MEGF9: variants seen among roughly 807,000 people sequenced by gnomAD.
The protein encoded by MEGF9 is multiple EGF like domains 9, also known as multiple epidermal growth factor-like domains protein 9.
MEGF9 carries 6 observed loss-of-function variants against 46.8 expected under a neutral mutation model. That is an observed-to-expected ratio of 0.13 (90% CI 0.07 to 0.25). The LOEUF (loss-of-function observed/expected upper bound fraction) is 0.25. MEGF9 is among the 10% of genes least tolerant of loss of function. The probability of loss-of-function intolerance (pLI) is 1.00; values close to 1 mark genes in which losing one functional copy is unlikely to be tolerated. For synonymous variants in MEGF9, 302 were observed against 330.7 expected (o/e 0.91, Z 0.94); for missense variants, 683 against 792.4 (o/e 0.86, Z 1.66).
chr9:120,695,218 T>C (rs1026164460), intron 1 of MEGF9, among the ~76,000 whole-genome samples: 1 of 152,078 alleles, frequency 6.6e-6, no homozygotes, highest in Non-Finnish European at 1.5e-5. Context: ...AGTGCCAACA[T>C]CAATAAGACA....
chr9:120,665,157 C>T (rs1487564356), intron 1 of MEGF9, among the ~76,000 whole-genome samples: 1 of 152,108 alleles, frequency 6.6e-6, no homozygotes, highest in Non-Finnish European at 1.5e-5. Context: ...CCAATCTCCT[C>T]CCATCCTTCC....
rs145767555 is a variant in MEGF9, at chr9:120,690,204, G to A, written c.601+23554C>T. On this transcript the variant is annotated intron_variant, in intron 1 of 5. Transcript: ENST00000373930. ...CTGAGGGAATGGCATACAAAACTTT[G>A]GGGAAATTACGAGGTCCAAGGACAT... Among the ~76,000 whole-genome samples the A allele has an allele frequency of 2.1e-3, 321 of 152,254 alleles. 1 individual carries two copies. The highest frequency in any genetic ancestry group is 7.3e-3 in the African/African-American group (302 of 41,544).
chr9:120,625,607 G>A (rs1398546313), intron 2 of MEGF9, among the ~76,000 whole-genome samples: 2 of 152,002 alleles, frequency 1.3e-5, no homozygotes, highest in South Asian at 2.1e-4. Flanking sequence ...AGGCTGAGGC[G>A]AGTGGATCAC....
chr9:120,664,938 T>C (rs2043718444), intron 1 of MEGF9, among the ~76,000 whole-genome samples: 1 of 152,254 alleles, frequency 6.6e-6, no homozygotes. Context: ...GATATTTCAA[T>C]ACATGCATAC....
chr9:120,709,215 G>A (rs775722935), intron 1 of MEGF9, among the ~76,000 whole-genome samples: 1 of 152,062 alleles, frequency 6.6e-6, no homozygotes, highest in Non-Finnish European at 1.5e-5. Flanking sequence ...TCAGGAGTTC[G>A]AGACCAGCCT....
intron 1 of MEGF9, among the ~76,000 whole-genome samples, chr9:120,692,612 T>C (rs2043854249): frequency 6.6e-6 from 1 of 152,172 alleles, no homozygotes; most frequent in Non-Finnish European, 1.5e-5. Flanking sequence ...AAGCACATCA[T>C]GATTTGACAA....
intron 1 of MEGF9, among the ~76,000 whole-genome samples, chr9:120,681,227 C>T (rs1328241385): frequency 6.6e-6 from 1 of 152,150 alleles, no homozygotes; most frequent in African/African-American, 2.4e-5. Flanking sequence ...GGCCCAAGGG[C>T]TCTTTAGTCA....
chr9:120,651,167 C>A (rs2043647856), intron 2 of MEGF9, among the ~76,000 whole-genome samples: 1 of 152,130 alleles, frequency 6.6e-6, no homozygotes, highest in African/African-American at 2.4e-5. Flanking sequence ...TTCTACTACG[C>A]CAAAACTAGG....
At chr9:120,697,336 G>A (rs902836162) in intron 1 of MEGF9, among the ~76,000 whole-genome samples, 14 of 152,036 alleles carry the variant, frequency 9.2e-5, no homozygotes, top group African/African-American at 3.4e-4. Flanking sequence ...GGCCCTCTCA[G>A]CCTCCCAAAG....
intron 5 of MEGF9, among the ~76,000 whole-genome samples, chr9:120,606,236 C>G (rs2043420231): frequency 6.6e-6 from 1 of 151,384 alleles, no homozygotes; most frequent in South Asian, 2.1e-4. Context: ...CTTATTTACT[C>G]TTAGATAAAA....
intron 1 of MEGF9, among the ~76,000 whole-genome samples, chr9:120,666,714 A>G (rs1041606734): frequency 2.6e-5 from 4 of 152,258 alleles, no homozygotes; most frequent in Non-Finnish European, 5.9e-5. Context: ...ATGATAAGTG[A>G]TATTAATAAT....
intron 5 of MEGF9, among the ~76,000 whole-genome samples, chr9:120,606,534 G>A (rs998265080): frequency 2.4e-4 from 37 of 152,170 alleles, no homozygotes; most frequent in African/African-American, 8.4e-4. Flanking sequence ...GTAGATTACA[G>A]CTACTTTATA....
At chr9:120,649,118 ATTG>A (rs1266025922) in intron 2 of MEGF9, among the ~76,000 whole-genome samples, 3 of 152,268 alleles carry the variant, frequency 2.0e-5, no homozygotes, top group South Asian at 2.1e-4. Context: ...TATGTAAATA[ATTG>A]TTGTTTTATA....
At chr9:120,677,297 TA>T (rs936023862) in intron 1 of MEGF9, among the ~76,000 whole-genome samples, 9 of 151,192 alleles carry the variant, frequency 6.0e-5, no homozygotes, top group East Asian at 5.8e-4. Flanking sequence ...CCAGCCTAAT[TA>T]AAAAAAAAAT....
Position 120,603,288 on chromosome 9 carries a change from T to C in MEGF9, c.*1902A>G, listed in dbSNP as rs2043405722. ...TATGGTGTGGAAGAGAGGACACACA[T>C]ATGGAAAAGTGCTTTGCAAACTACA... On this transcript the variant is annotated 3_prime_UTR_variant, in exon 6 of 6. Coordinates refer to ENST00000373930, the MANE Select transcript of MEGF9 (RefSeq NM_001080497.3). 6.6e-6 allele frequency: 1 copy of C among 152,180 alleles called. No individual in the cohort carries two copies. Among genetic ancestry groups the C allele is most frequent in the African/African-American group, 2.4e-5 (1 of 41,446 alleles). 9.4% of individuals were successfully genotyped at this position (152,180 alleles called of 1,614,324 possible).
intron 1 of MEGF9, among the ~76,000 whole-genome samples, chr9:120,671,921 G>A (rs1157975529): frequency 6.6e-6 from 1 of 152,174 alleles, no homozygotes; most frequent in Non-Finnish European, 1.5e-5. Flanking sequence ...AAAAGATTAA[G>A]TGGGATTTAT....
intron 1 of MEGF9, among the ~76,000 whole-genome samples, chr9:120,670,704 TTCAGGCTAGCCAGC>T (rs1392347888): frequency 2.0e-5 from 3 of 152,120 alleles, no homozygotes; most frequent in Non-Finnish European, 4.4e-5. Flanking sequence ...TCCCTCCAGT[TTCAGGCTAGCCAGC>T]TCCTTCCAAG....
intron 2 of MEGF9, among the ~76,000 whole-genome samples, chr9:120,652,329 T>C (rs1049533078): frequency 2.0e-5 from 3 of 149,788 alleles, no homozygotes; most frequent in African/African-American, 7.4e-5. Context: ...CTACAAAAAA[T>C]AGGCAGGCGT....
intron 2 of MEGF9, among the ~76,000 whole-genome samples, chr9:120,638,641 T>C (rs1239825070): frequency 6.6e-6 from 1 of 152,262 alleles, no homozygotes; most frequent in East Asian, 1.9e-4. Flanking sequence ...CTCACTGTTC[T>C]ATATTCTCGC....
Sources: allele counts gnomAD v4.1 joint callset (sites outside exome capture counted in the v4.1 genomes callset), GRCh38; gene constraint gnomAD v4.1.1; transcripts MANE v1.5; gene names NCBI Gene and HGNC (gene_info 2026-07-23, HGNC 2026-07-21).